Variants in KIRREL1 observed in about 807,000 individuals in gnomAD.
KIRREL1 encodes the protein kirre like nephrin family adhesion molecule 1, also known as kin of IRRE-like protein 1.
A neutral mutation model predicts 83.3 loss-of-function variants in KIRREL1; 25 were observed. The ratio of observed to expected loss-of-function variants is 0.30; its 90% CI spans 0.22 to 0.42. The LOEUF is 0.42. Among genes scored for constraint, KIRREL1 ranks in the 10% least tolerant of loss-of-function variants. KIRREL1 has a pLI of 1.00. For missense variants in KIRREL1, 812 were observed against 1,032.3 expected, an observed-to-expected ratio of 0.79 and a Z score of 2.92; for synonymous variants, 388 against 410.4, an observed-to-expected ratio of 0.95 and a Z score of 0.66.
At chr1:158,034,340 C>T (rs898409742) in intron 1 of KIRREL1, among the ~76,000 whole-genome samples, 4 of 151,714 alleles carry the variant, frequency 2.6e-5, no homozygotes, top group African/African-American at 9.7e-5. Context: ...ATTTTAGATG[C>T]CTCAGTTTCC....
chr1:158,017,054 A>G (rs1659844500), intron 1 of KIRREL1, among the ~76,000 whole-genome samples: 1 of 152,202 alleles, frequency 6.6e-6, no homozygotes, highest in African/African-American at 2.4e-5. Context: ...ACATTCACGG[A>G]GCATTTACTA....
chr1:158,025,786 T>C (rs115153924), intron 1 of KIRREL1: 7,093 of 151,008 alleles, frequency 0.047, 229 homozygotes, highest in Non-Finnish European at 0.07. Flanking sequence ...GAGGCACGCA[T>C]GGCTGGTTTA....
rs1660664550 is a variant in KIRREL1, at chr1:158,042,778, A to ATAT, written c.53-33335_53-33334insTAT. Among the ~76,000 whole-genome samples, 4 of 152,114 alleles carry ATAT rather than the reference A, an allele frequency of 2.6e-5. No individual in the cohort carries two copies. In the South Asian group the frequency reaches 8.3e-4, roughly 32 times the overall value. On this transcript the variant is annotated intron_variant, in intron 1 of 14. Transcript: ENST00000359209. ...CTGTGATGTTATTACTATGCCTTATAAATTAGCTTTGCCGGCTGGGCACGG... is the reference window on the plus strand; with the variant it reads ...CTGTGATGTTATTACTATGCCTTATATATAATTAGCTTTGCCGGCTGGGCACGG...
rs1662376696 is a variant in KIRREL1, at chr1:158,097,175, A to G, written c.*2055A>G. The G allele has an allele frequency of 2.4e-6, 1 of 409,582 alleles. No individual in the cohort carries two copies. The highest frequency in any genetic ancestry group is 4.9e-6 in the Non-Finnish European group (1 of 205,800). 25.4% of individuals were successfully genotyped at this position (409,582 alleles called of 1,614,324 possible). A position where few individuals can be genotyped will look rare whatever the true frequency, so the allele number is the denominator to read the frequency against. ...TGATACCTTTCTATAGAGTCCTTTT[A>G]TGAGAGCTCAGTGGGAAGGTCTGTC... is the stretch of plus-strand genomic sequence containing the variant. On this transcript the variant is annotated 3_prime_UTR_variant, in exon 15 of 15. Transcript: ENST00000359209.
chr1:158,094,439 G>A lies in KIRREL1; in HGVS notation c.1797+49G>A. 1 of 1,564,292 alleles carries A rather than the reference G, an allele frequency of 6.4e-7. No individual in the cohort carries two copies. The highest frequency in any genetic ancestry group is 1.1e-5 in the South Asian group (1 of 88,782). On this transcript the variant is annotated intron_variant, in intron 14 of 14. Coordinates refer to ENST00000359209, the MANE Select transcript of KIRREL1 (RefSeq NM_018240.7). The surrounding 1 kb of genome is among the most constrained non-coding windows in gnomAD (Gnocchi z 4.6). ...GGCATGAGGGCTGGTGGGCCAGTGG[G>A]TTTCTGAGGTCCTGTAGCGGGGAGG...
At chr1:158,031,276 C>G (rs1660317499) in intron 1 of KIRREL1, 1 of 152,166 alleles carries the variant, frequency 6.6e-6, no homozygotes, top group African/African-American at 2.4e-5. Context: ...GGAAGGCTGC[C>G]TTTGCTTCTA....
intron 1 of KIRREL1, among the ~76,000 whole-genome samples, chr1:158,031,980 G>A (rs1332405211): frequency 6.6e-6 from 1 of 152,122 alleles, no homozygotes; most frequent in Admixed American, 6.5e-5. Flanking sequence ...CTACTTGAGA[G>A]GCCAAGGTGG....
At chr1:158,071,719 C>A (rs530821260) in intron 1 of KIRREL1, among the ~76,000 whole-genome samples, 1 of 151,992 alleles carries the variant, frequency 6.6e-6, no homozygotes, top group East Asian at 1.9e-4. Flanking sequence ...TGGAAGGGGG[C>A]GCAGGCATAG....
chr1:158,033,635 T>C (rs574406868), intron 1 of KIRREL1, among the ~76,000 whole-genome samples: 1 of 152,334 alleles, frequency 6.6e-6, no homozygotes, highest in Admixed American at 6.5e-5. Context: ...GAGTCCTCTT[T>C]CTTGTTTCGC....
Position 158,099,636 on chromosome 1 carries a change from TAATAATAAC to T in KIRREL1, c.*4525_*4533del. On this transcript the variant is annotated 3_prime_UTR_variant, in exon 15 of 15. Transcript: ENST00000359209. ...AGTTCTGGTACAAACCTGCCCTTATTAATAATAACAATAATAATAATAACTCCATTTGCA... is the reference window on the plus strand; with the variant it reads ...AGTTCTGGTACAAACCTGCCCTTATTAATAATAATAATAACTCCATTTGCA... 1 of 152,220 alleles carries T rather than the reference TAATAATAAC, an allele frequency of 6.6e-6. No individual in the cohort carries two copies. The highest frequency in any genetic ancestry group is 1.9e-4 in the East Asian group (1 of 5,182). 9.4% of individuals were successfully genotyped at this position (152,220 alleles called of 1,614,324 possible).
intron 3 of KIRREL1, among the ~76,000 whole-genome samples, chr1:158,082,694 A>G (rs1661898500): frequency 6.6e-6 from 1 of 152,142 alleles, no homozygotes; most frequent in Non-Finnish European, 1.5e-5. Flanking sequence ...TCGGTGGAGC[A>G]CGCTGGCTCA....
chr1:158,038,342 C>T (rs1660530953), intron 1 of KIRREL1, among the ~76,000 whole-genome samples: 1 of 152,080 alleles, frequency 6.6e-6, no homozygotes, highest in South Asian at 2.1e-4. Flanking sequence ...GGGGGTCAGT[C>T]AGTGGTGGTG....
chr1:158,085,070 T>G (rs1380658065), intron 4 of KIRREL1, among the ~76,000 whole-genome samples: 1 of 152,170 alleles, frequency 6.6e-6, no homozygotes, highest in Admixed American at 6.5e-5. Context: ...CAGCGTCTGG[T>G]TGTCAGATTA....
intron 1 of KIRREL1, among the ~76,000 whole-genome samples, chr1:158,029,337 C>CTGTG (rs60980289): frequency 0.075 from 5,166 of 69,280 alleles, 172 homozygotes; most frequent in South Asian, 0.33. Flanking sequence ...TAACAAAAAC[C>CTGTG]TGTGTGTGTG....
At chr1:157,996,014 G>A (rs1014254090) in intron 1 of KIRREL1, among the ~76,000 whole-genome samples, 1 of 151,118 alleles carries the variant, frequency 6.6e-6, no homozygotes, top group Non-Finnish European at 1.5e-5. Flanking sequence ...TCTAGGTCAG[G>A]GACTGGGGCA....
At chr1:157,994,158 A>G (rs577726629) in intron 1 of KIRREL1, among the ~76,000 whole-genome samples, 1 of 152,258 alleles carries the variant, frequency 6.6e-6, no homozygotes, top group African/African-American at 2.4e-5. Flanking sequence ...GGGGTGAGCG[A>G]AAAGCTGGGT....
intron 3 of KIRREL1, among the ~76,000 whole-genome samples, chr1:158,080,265 C>A (rs1357643536): frequency 6.6e-6 from 1 of 152,208 alleles, no homozygotes; most frequent in African/African-American, 2.4e-5. Context: ...TGATACTCTT[C>A]TTTCTGCTAC....
intron 1 of KIRREL1, among the ~76,000 whole-genome samples, chr1:158,056,605 C>A (rs959347030): frequency 6.6e-6 from 1 of 152,218 alleles, no homozygotes; most frequent in Admixed American, 6.5e-5. Flanking sequence ...CTCCCTTGGC[C>A]CTGGTCACGT....
chr1:158,001,704 A>C (rs1209333556), intron 1 of KIRREL1, among the ~76,000 whole-genome samples: 1 of 152,126 alleles, frequency 6.6e-6, no homozygotes. Context: ...TCCGGAACCA[A>C]GATGTTGCTG....
Sources: allele counts gnomAD v4.1 joint callset (sites outside exome capture counted in the v4.1 genomes callset), GRCh38; gene constraint gnomAD v4.1.1; non-coding constraint Gnocchi (gnomAD v3.1); transcripts MANE v1.5; gene names NCBI Gene and HGNC (gene_info 2026-07-23, HGNC 2026-07-21).